ALK: variants seen among roughly 807,000 people sequenced by gnomAD.
The protein encoded by ALK is ALK tyrosine kinase receptor.
ALK carries 74 observed loss-of-function variants against 163.1 expected under a neutral mutation model. That is an observed-to-expected ratio of 0.45 (90% CI 0.38 to 0.55). ALK has a LOEUF of 0.55. ALK is among the 20% of genes least tolerant of loss of function. The pLI is 0.00. For synonymous variants in ALK, 960 were observed against 843.2 expected (o/e 1.14, Z -2.40); for missense variants, 2,063 against 2,105.3 (o/e 0.98, Z 0.39).
chr2:29,840,323 G>C (rs572255697), intron 1 of ALK, among the ~76,000 whole-genome samples: 1 of 152,246 alleles, frequency 6.6e-6, no homozygotes, highest in East Asian at 1.9e-4. Flanking sequence ...GAGATAAAGA[G>C]ATAGATAATC....
intron 1 of ALK, among the ~76,000 whole-genome samples, chr2:29,850,800 C>T (rs1665970982): frequency 6.6e-6 from 1 of 152,190 alleles, no homozygotes; most frequent in Admixed American, 6.5e-5. Flanking sequence ...CATCTCTGCC[C>T]CTGTGCTTTC....
At chr2:29,682,985 C>T (rs1362797895) in intron 3 of ALK, among the ~76,000 whole-genome samples, 2 of 152,182 alleles carry the variant, frequency 1.3e-5, no homozygotes, top group Non-Finnish European at 2.9e-5. Context: ...CAGCATCTCG[C>T]ATATTTCCAA....
At chr2:29,278,826 A>G (rs1665611803) in intron 9 of ALK, among the ~76,000 whole-genome samples, 1 of 152,178 alleles carries the variant, frequency 6.6e-6, no homozygotes, top group African/African-American at 2.4e-5. Flanking sequence ...GTGCCCCCAC[A>G]GGGCACATTT....
intron 4 of ALK, among the ~76,000 whole-genome samples, chr2:29,504,516 T>C (rs1182849409): frequency 1.3e-5 from 2 of 152,022 alleles, no homozygotes; most frequent in Non-Finnish European, 2.9e-5. Flanking sequence ...TATGGTGGCT[T>C]GGGCTAGGAT....
intron 1 of ALK, among the ~76,000 whole-genome samples, chr2:29,783,757 C>G (rs72788234): frequency 6.6e-6 from 1 of 152,102 alleles, no homozygotes. Flanking sequence ...TTTAGGGAGA[C>G]AAAGAACTGT....
intron 3 of ALK, among the ~76,000 whole-genome samples, chr2:29,558,000 T>C (rs1673912319): frequency 6.6e-6 from 1 of 152,240 alleles, no homozygotes; most frequent in African/African-American, 2.4e-5. Context: ...CCTCCAGGTC[T>C]GGCCAGTGAT....
intron 1 of ALK, among the ~76,000 whole-genome samples, chr2:29,900,803 A>G (rs934052064): frequency 2.6e-5 from 4 of 152,200 alleles, no homozygotes; most frequent in Non-Finnish European, 2.9e-5. Flanking sequence ...ATGTAAGAAG[A>G]AAGGAGCACA....
chr2:29,264,555 G>T (rs1665165329), intron 11 of ALK, among the ~76,000 whole-genome samples: 1 of 152,158 alleles, frequency 6.6e-6, no homozygotes, highest in South Asian at 2.1e-4. Context: ...TGTCTGTTTT[G>T]TTCACTGCTT....
At chr2:29,231,633 C>T (rs997165113) in intron 15 of ALK, among the ~76,000 whole-genome samples, 4 of 152,208 alleles carry the variant, frequency 2.6e-5, no homozygotes, top group African/African-American at 9.6e-5. Flanking sequence ...AGACAGTTTG[C>T]ACATTTGTTT....
intron 3 of ALK, among the ~76,000 whole-genome samples, chr2:29,657,424 G>GAT (rs10651180): frequency 0.18 from 26,633 of 152,028 alleles, 5,320 homozygotes; most frequent in African/African-American, 0.49. Context: ...TAAGACTAAA[G>GAT]ATGTCTCTGA....
At chr2:29,263,552 A>G (rs964537939) in intron 11 of ALK, among the ~76,000 whole-genome samples, 1 of 152,192 alleles carries the variant, frequency 6.6e-6, no homozygotes, top group African/African-American at 2.4e-5. Context: ...AGAAGATATG[A>G]GATCCAAATT....
intron 3 of ALK, among the ~76,000 whole-genome samples, chr2:29,686,357 G>A (rs1296053986): frequency 1.3e-5 from 2 of 152,174 alleles, no homozygotes; most frequent in African/African-American, 4.8e-5. Context: ...CTGAATCACT[G>A]GGCTGTTTAG....
intron 2 of ALK, among the ~76,000 whole-genome samples, chr2:29,707,430 C>A (rs1479403469): frequency 6.6e-6 from 1 of 152,060 alleles, no homozygotes; most frequent in Non-Finnish European, 1.5e-5. Flanking sequence ...TAAGAGGCCT[C>A]AGGGAAAACA....
intron 3 of ALK, among the ~76,000 whole-genome samples, chr2:29,653,511 C>T (rs1677092332): frequency 1.3e-5 from 2 of 149,004 alleles, no homozygotes; most frequent in Admixed American, 6.6e-5. Flanking sequence ...GCTTACCTAA[C>T]TTAACTTAAT....
intron 3 of ALK, among the ~76,000 whole-genome samples, chr2:29,589,313 A>G (rs1375541398): frequency 6.6e-6 from 1 of 152,188 alleles, no homozygotes; most frequent in Non-Finnish European, 1.5e-5. Flanking sequence ...TGAGGGTCAC[A>G]GGCAGGACAA....
chr2:29,815,910 T>C (rs1308978400), intron 1 of ALK, among the ~76,000 whole-genome samples: 1 of 152,154 alleles, frequency 6.6e-6, no homozygotes, highest in African/African-American at 2.4e-5. Context: ...TCTCAAAGAA[T>C]TTGAAAGGAG....
chr2:29,408,945 C>T (rs1033098280), intron 4 of ALK, among the ~76,000 whole-genome samples: 1 of 152,162 alleles, frequency 6.6e-6, no homozygotes, highest in Non-Finnish European at 1.5e-5. Context: ...AAGGAACATA[C>T]AAGCATTTGT....
At chr2:29,626,344 G>C (rs759035060) in intron 3 of ALK, among the ~76,000 whole-genome samples, 2 of 152,088 alleles carry the variant, frequency 1.3e-5, no homozygotes, top group Non-Finnish European at 2.9e-5. Flanking sequence ...TATTGTTCTC[G>C]TGGTAGTGAA....
At chr2:29,358,076 G>A (rs911111272) in intron 5 of ALK, among the ~76,000 whole-genome samples, 2 of 152,190 alleles carry the variant, frequency 1.3e-5, no homozygotes, top group Non-Finnish European at 2.9e-5. Context: ...AAGGAGACTC[G>A]AGCCCAGAAC....
Sources: gnomAD v4.1 joint callset for allele counts (sites outside exome capture counted in the v4.1 genomes callset) on GRCh38, gnomAD v4.1.1 for gene constraint, MANE v1.5 for transcripts, NCBI Gene and HGNC (gene_info 2026-07-23, HGNC 2026-07-21) for gene names.